MTHFD1: variants seen among roughly 807,000 people sequenced by gnomAD.
MTHFD1 encodes the protein methylenetetrahydrofolate dehydrogenase, cyclohydrolase and formyltetrahydrofolate synthetase 1, also known as C-1-tetrahydrofolate synthase, cytoplasmic.
MTHFD1 carries 44 observed loss-of-function variants against 110.3 expected under a neutral mutation model. The ratio of observed to expected loss-of-function variants is 0.40; its 90% CI spans 0.31 to 0.51. MTHFD1 has a LOEUF of 0.51. Ranked by LOEUF, MTHFD1 falls within the 20% of genes least tolerant of loss-of-function variation. The probability of loss-of-function intolerance (pLI) is 0.60; values close to 1 mark genes in which losing one functional copy is unlikely to be tolerated. For missense variants in MTHFD1, 909 were observed against 1,173.1 expected, an observed-to-expected ratio of 0.77 and a Z score of 3.29; for synonymous variants, 402 against 428.8, an observed-to-expected ratio of 0.94 and a Z score of 0.77.
chr14:64,420,034 A>G, intron 8 of MTHFD1, 109 bp downstream of exon 8: 1 of 823,058 alleles, frequency 1.2e-6, no homozygotes, highest in South Asian at 1.4e-5. Context: ...TGTAGTACTA[A>G]GGTTTAGGAG....
At position 64,417,247 on chromosome 14, in the gene MTHFD1, A is replaced by T. The variant is rs1290200106; in HGVS notation, c.479-641A>T. Reference sequence around the variant, plus strand: ...CCTGTCCACTACTGGGTACTCACTCAGGCTGTCTTTAGTAGAGTATGAGTC... The same window carrying T: ...CCTGTCCACTACTGGGTACTCACTCTGGCTGTCTTTAGTAGAGTATGAGTC... On this transcript the variant is annotated intron_variant, in intron 6 of 27. Transcript: ENST00000652337. This position sits in a 1 kb window ranked among gnomAD's most constrained non-coding sequence, Gnocchi z 4.4. Among the ~76,000 whole-genome samples, 8 of 152,226 alleles carry T rather than the reference A, an allele frequency of 5.3e-5. No homozygotes were observed. The highest frequency in any genetic ancestry group is 2.9e-5 in the Non-Finnish European group (2 of 68,034).
Position 64,408,285 on chromosome 14 carries a change from C to CTTTT in MTHFD1, c.127-2788_127-2785dup, listed in dbSNP as rs1555336630. ...CCACCTTCAAGGAGAAATCAGCATT[C>CTTTT]TTTTTTTTTTTTTTTTTTTTGAGAT... On this transcript the variant is annotated intron_variant, in intron 2 of 27. Transcript: ENST00000652337. Among the ~76,000 whole-genome samples the CTTTT allele has an allele frequency of 4.6e-3, 552 of 121,096 alleles. 8 individuals are homozygous for CTTTT. Among genetic ancestry groups the CTTTT allele is most frequent in the African/African-American group, 0.017 (527 of 30,470 alleles). 79.4% of individuals were successfully genotyped at this position (121,096 alleles called of 152,430 possible).
chr14:64,447,061 G>A (rs936195114), intron 22 of MTHFD1, among the ~76,000 whole-genome samples: 1 of 151,276 alleles, frequency 6.6e-6, no homozygotes, highest in African/African-American at 2.4e-5. Context: ...GCAGGCTGCT[G>A]TCGAACTCCT....
At chr14:64,427,078 TG>T (rs2078124535) in intron 11 of MTHFD1, among the ~76,000 whole-genome samples, 1 of 151,348 alleles carries the variant, frequency 6.6e-6, no homozygotes, top group Non-Finnish European at 1.5e-5. Context: ...CTTTAAGAGA[TG>T]GGGGTTTGCT....
In MTHFD1 at chr14:64,439,590, A is replaced by C. The variant is rs2078232375; in HGVS notation, c.1674+418A>C. Among the ~76,000 whole-genome samples, 4 of 152,248 alleles carry C rather than the reference A, an allele frequency of 2.6e-5. No individual in the cohort carries two copies. In the South Asian group the frequency reaches 8.3e-4, roughly 32 times the overall value. ...ATCATAGCTTTTTGGTCCTACTATAACATTTATTTTAAAAAACTGACAACT... is the reference window on the plus strand; with the variant it reads ...ATCATAGCTTTTTGGTCCTACTATACCATTTATTTTAAAAAACTGACAACT... On this transcript the variant is annotated intron_variant, in intron 17 of 27. Transcript: ENST00000652337.
chr14:64,420,058 A>C (rs755410775), intron 8 of MTHFD1, 133 bp downstream of exon 8: 8 of 741,556 alleles, frequency 1.1e-5, no homozygotes, highest in Non-Finnish European at 1.4e-5. Flanking sequence ...GACTAGCCCA[A>C]GGGTGCACAG....
In MTHFD1 at chr14:64,397,439, C is replaced by T. The variant is rs1166689372; in HGVS notation, c.42-3354C>T. Reference sequence around the variant, plus strand: ...TCCTGAGTAGCTGAGACTACAGGCGCGTGCCACCACGCCTGGCTGATTTTT... The same window carrying T: ...TCCTGAGTAGCTGAGACTACAGGCGTGTGCCACCACGCCTGGCTGATTTTT... On this transcript the variant is annotated intron_variant, in intron 1 of 27. Coordinates refer to ENST00000652337, the MANE Select transcript of MTHFD1 (RefSeq NM_005956.4). Among the ~76,000 whole-genome samples, 3 of 151,558 alleles carry T rather than the reference C, an allele frequency of 2.0e-5. No homozygotes were observed. In the East Asian group the frequency reaches 5.9e-4, roughly 30 times the overall value.
In MTHFD1 at chr14:64,442,381, G is replaced by A. The variant is rs1321834051; in HGVS notation, c.2115G>A (p.Lys705=). The A allele has an allele frequency of 1.9e-6, 3 of 1,614,224 alleles. No individual in the cohort carries two copies. Among genetic ancestry groups the A allele is most frequent in the Non-Finnish European group, 2.5e-6 (3 of 1,180,042 alleles). Residue 705 remains lysine, a synonymous_variant, in exon 21 of 28, where the codon AAG becomes AAA. Coordinates refer to ENST00000652337, the MANE Select transcript of MTHFD1 (RefSeq NM_005956.4). The stretch of plus-strand genomic sequence containing the variant: ...TTGTTGCCACTGTCAGGGCTCTCAA[G>A]ATGCACGGGGGCGGCCCCACGGTGA... ...VVLVATVRAL[K]MHGGGPTVTA...
At chr14:64,444,115 G>A (rs937425909) in intron 21 of MTHFD1, among the ~76,000 whole-genome samples, 1 of 152,038 alleles carries the variant, frequency 6.6e-6, no homozygotes, top group Admixed American at 6.6e-5. Context: ...CTGGGGGCTG[G>A]GGGGCGGGGC....
At chr14:64,447,104 A>T (rs1238285094) in intron 22 of MTHFD1, among the ~76,000 whole-genome samples, 1 of 150,776 alleles carries the variant, frequency 6.6e-6, no homozygotes. Context: ...TCAGCCTCGC[A>T]AAGTACTGGG....
Position 64,411,242 on chromosome 14 carries a change from C to G in MTHFD1, c.186+93C>G, listed in dbSNP as rs1022088336. 2.1e-5 allele frequency: 18 copies of G among 875,836 alleles called. No homozygotes were observed. The African/African-American group carries it at 2.3e-4, about 11-fold the overall frequency. 54.3% of individuals were successfully genotyped at this position (875,836 alleles called of 1,614,324 possible). A position where few individuals can be genotyped will look rare whatever the true frequency, so the allele number is the denominator to read the frequency against. On this transcript the variant is annotated intron_variant, in intron 3 of 27. Transcript: ENST00000652337. ...CCCTTTTTGGTCCTCCCTGTGAAAACTTTTATCACCCACAGGAGACATTAG... is the reference window on the plus strand; with the variant it reads ...CCCTTTTTGGTCCTCCCTGTGAAAAGTTTTATCACCCACAGGAGACATTAG...
intron 22 of MTHFD1, among the ~76,000 whole-genome samples, chr14:64,446,735 G>T (rs2078291873): frequency 6.6e-6 from 1 of 152,108 alleles, no homozygotes; most frequent in African/African-American, 2.4e-5. Flanking sequence ...GTTGAGACGG[G>T]GTTTCACCGT....
At chr14:64,397,195 A>G (rs1277279922) in intron 1 of MTHFD1, among the ~76,000 whole-genome samples, 2 of 70,900 alleles carry the variant, frequency 2.8e-5, no homozygotes, top group Non-Finnish European at 5.2e-5. Context: ...ATATATAAAA[A>G]ACAGTAATCT....
chr14:64,458,903 T>A (rs2078519135), intron 27 of MTHFD1, among the ~76,000 whole-genome samples: 1 of 152,170 alleles, frequency 6.6e-6, no homozygotes, highest in Non-Finnish European at 1.5e-5. Context: ...AGCAGCAAGT[T>A]GCAGTGTGCA....
intron 2 of MTHFD1, among the ~76,000 whole-genome samples, chr14:64,410,434 C>G (rs1566558678): frequency 6.6e-6 from 1 of 151,866 alleles, no homozygotes; most frequent in Non-Finnish European, 1.5e-5. Context: ...CTATGTTGCC[C>G]AGGCTGGTCT....
At chr14:64,450,349 G>A (rs1417192508) in intron 24 of MTHFD1, among the ~76,000 whole-genome samples, 1 of 152,202 alleles carries the variant, frequency 6.6e-6, no homozygotes, top group Admixed American at 6.5e-5. Context: ...CAGTAATAGG[G>A]GAAAGAAGTG....
In MTHFD1 at chr14:64,453,610, C is replaced by G. The variant is rs186600835; in HGVS notation, c.2458-144C>G. On this transcript the variant is annotated intron_variant, in intron 24 of 27. Coordinates refer to ENST00000652337, the MANE Select transcript of MTHFD1 (RefSeq NM_005956.4). ...AAGTGTTCTTAACCCAATCATCAAC[C>G]TCAAACTATTTGCTTATGTATATGT... 2.7e-3 allele frequency: 1,830 copies of G among 676,156 alleles called. 10 individuals carry two copies. Among genetic ancestry groups the G allele is most frequent in the Non-Finnish European group, 3.3e-3 (1,217 of 363,666 alleles). 41.9% of individuals were successfully genotyped at this position (676,156 alleles called of 1,614,324 possible). A position where few individuals can be genotyped will look rare whatever the true frequency, so the allele number is the denominator to read the frequency against.
chr14:64,428,562 T>C (rs1299339140), intron 12 of MTHFD1, among the ~76,000 whole-genome samples: 1 of 151,318 alleles, frequency 6.6e-6, no homozygotes, highest in Non-Finnish European at 1.5e-5. Context: ...CACCTTTTTT[T>C]TTTTTTTTGG....
chr14:64,409,996 C>T (rs8020827), intron 2 of MTHFD1, among the ~76,000 whole-genome samples: 32,508 of 152,092 alleles, frequency 0.21, 3,882 homozygotes, highest in African/African-American at 0.32. Flanking sequence ...CTCTGCAATT[C>T]TGGGAGAAAC....
Sources: gnomAD v4.1 joint callset for allele counts (sites outside exome capture counted in the v4.1 genomes callset) on GRCh38, gnomAD v4.1.1 for gene constraint, Gnocchi (gnomAD v3.1) non-coding constraint, MANE v1.5 for transcripts, NCBI Gene and HGNC (gene_info 2026-07-23, HGNC 2026-07-21) for gene names.